Variants in ITPR3 observed in about 807,000 individuals in gnomAD.
The protein encoded by ITPR3 is inositol 1,4,5-trisphosphate-gated calcium channel ITPR3.
In ITPR3, 173 loss-of-function variants were observed where a neutral mutation model predicts 293.2. That is an observed-to-expected ratio of 0.59 (90% CI 0.52 to 0.67). The LOEUF (loss-of-function observed/expected upper bound fraction) is 0.67, where lower values mean the gene tolerates loss of function less well. Ranked by LOEUF, ITPR3 falls within the 30% of genes least tolerant of loss-of-function variation. ITPR3 has a pLI of 0.00. For missense variants in ITPR3, 2,796 were observed against 3,592.1 expected, an observed-to-expected ratio of 0.78 and a Z score of 5.66; for synonymous variants, 1,295 against 1,444.4, an observed-to-expected ratio of 0.90 and a Z score of 2.35.
Position 33,675,187 on chromosome 6 carries a change from C to T in ITPR3, c.3117-504C>T, listed in dbSNP as rs1051429971. ...TTGTAATCCCAGCACTTTGGGAGGC[C>T]GAGGTGGGCAGATCACTTGAGGTCA... On this transcript the variant is annotated intron_variant, in intron 24 of 57. Coordinates refer to ENST00000605930, the MANE Select transcript of ITPR3 (RefSeq NM_002224.4). This position sits in a 1 kb window ranked among gnomAD's most constrained non-coding sequence, Gnocchi z 5.0. 1.1e-4 allele frequency among the ~76,000 whole-genome samples: 16 copies of T among 152,122 alleles called. No individual in the cohort carries two copies. Among genetic ancestry groups the T allele is most frequent in the African/African-American group, 3.1e-4 (13 of 41,488 alleles).
chr6:33,665,735 G>A, intron 13 of ITPR3, 100 bp from the exon 14 acceptor site: 1 of 1,348,756 alleles, frequency 7.4e-7, no homozygotes, highest in Non-Finnish European at 1.0e-6. Flanking sequence ...GCCGCTGAGT[G>A]AACTCATGAA....
chr6:33,686,094 G>C lies in ITPR3; in HGVS notation c.5709G>C (p.Leu1903Phe). ...RCQNNKTNYNLVCETLQFLDI... is the reference protein window; with the variant it reads ...RCQNNKTNYNFVCETLQFLDI... ...AGAACAACAAAACCAACTACAACTT[G>C]GTATGCGAGACGCTGCAGTTCCTGG... The change falls in exon 42 of 58, where the codon TTG (leucine) becomes TTC (phenylalanine). Residue 1903 changes from leucine to phenylalanine, a missense_variant. Leu to Phe is a conservative substitution (Grantham distance 22, BLOSUM62 0). Transcript: ENST00000605930. 1.9e-6 allele frequency: 3 copies of C among 1,614,202 alleles called. No homozygotes were observed. The highest frequency in any genetic ancestry group is 2.5e-6 in the Non-Finnish European group (3 of 1,180,048).
At chr6:33,662,396 CTG>C in intron 7 of ITPR3, 130 bp from the exon 8 acceptor site, 1 of 1,064,858 alleles carries the variant, frequency 9.4e-7, no homozygotes, top group Non-Finnish European at 1.3e-6. Flanking sequence ...ATCCCCCTCT[CTG>C]TGTGCTGGCT....
At position 33,683,879 on chromosome 6, in the gene ITPR3, T is replaced by G; in HGVS notation, c.4789-141T>G. On this transcript the variant is annotated intron_variant, in intron 35 of 57. Transcript: ENST00000605930. This position sits in a 1 kb window ranked among gnomAD's most constrained non-coding sequence, Gnocchi z 4.5. ...TGAGCAGACAGACATCACGCTGTGT[T>G]CAGGGTGTCTCTGTGGGTGTGGGCC... 1 of 886,904 alleles carries G rather than the reference T, an allele frequency of 1.1e-6. No homozygotes were observed. The highest frequency in any genetic ancestry group is 1.7e-6 in the Non-Finnish European group (1 of 591,880). 54.9% of individuals were successfully genotyped at this position (886,904 alleles called of 1,614,324 possible).
chr6:33,622,015 G>C (rs1448173962), intron 1 of ITPR3, among the ~76,000 whole-genome samples: 1 of 152,180 alleles, frequency 6.6e-6, no homozygotes, highest in Non-Finnish European at 1.5e-5. Flanking sequence ...TGGGTGGCTG[G>C]AGGCTGAGTT....
At chr6:33,643,788 G>T (rs772853200) in intron 2 of ITPR3, among the ~76,000 whole-genome samples, 20 of 152,158 alleles carry the variant, frequency 1.3e-4, no homozygotes, top group Admixed American at 3.9e-4. Context: ...CCCTCCATTT[G>T]CATGACTGGA....
At chr6:33,648,231 A>G (rs1764112833) in intron 2 of ITPR3, among the ~76,000 whole-genome samples, 1 of 151,678 alleles carries the variant, frequency 6.6e-6, no homozygotes, top group Non-Finnish European at 1.5e-5. Flanking sequence ...ACGCCTGGCT[A>G]ATTTTTTAAT....
rs1023885114 is a variant in ITPR3, at chr6:33,621,839, T to C, written c.89+148T>C. ...AGCGGGAACGGCTCGCCTCCTTCTT[T>C]TACAGAAAGGAAGTGAAGTGTTTGC... On this transcript the variant is annotated intron_variant, in intron 1 of 57. Coordinates refer to ENST00000605930, the MANE Select transcript of ITPR3 (RefSeq NM_002224.4). The surrounding 1 kb of genome is among the most constrained non-coding windows in gnomAD (Gnocchi z 7.7). 8 of 644,388 alleles carry C rather than the reference T, an allele frequency of 1.2e-5. No homozygotes were observed. Among genetic ancestry groups the C allele is most frequent in the South Asian group, 1.9e-5 (1 of 51,810 alleles). The allele number at this position is 644,388 out of a possible 1,614,324, so 39.9% of individuals were successfully genotyped here. A position where few individuals can be genotyped will look rare whatever the true frequency, so the allele number is the denominator to read the frequency against.
At position 33,624,172 on chromosome 6, in the gene ITPR3, A is replaced by G. The variant is rs1445881895; in HGVS notation, c.89+2481A>G. Among the ~76,000 whole-genome samples, 6 of 152,182 alleles carry G rather than the reference A, an allele frequency of 3.9e-5. No individual in the cohort carries two copies. Among genetic ancestry groups the G allele is most frequent in the Admixed American group, 1.3e-4 (2 of 15,282 alleles). On this transcript the variant is annotated intron_variant, in intron 1 of 57. Transcript: ENST00000605930. This position sits in a 1 kb window ranked among gnomAD's most constrained non-coding sequence, Gnocchi z 4.7. ...GGGCAGAATTAACCCTTCGTCCTCT[A>G]TGCTTTTGAACTGCTTTGTACAAAC...
rs140169252 is a variant in ITPR3 at position 33,653,421 on chromosome 6, C to T, written c.161-2345C>T. On this transcript the variant is annotated intron_variant, in intron 2 of 57. Coordinates refer to ENST00000605930, the MANE Select transcript of ITPR3 (RefSeq NM_002224.4). ...TGAGCCACTGCGCCCAGCCCACTTA[C>T]CTTTAAATCATGAATGTGGCAGCCA... 7.2e-5 allele frequency among the ~76,000 whole-genome samples: 11 copies of T among 152,098 alleles called. No individual in the cohort carries two copies. In the East Asian group the frequency reaches 2.1e-3, roughly 29 times the overall value.
chr6:33,642,759 C>T (rs963903892), intron 2 of ITPR3, among the ~76,000 whole-genome samples: 1 of 152,202 alleles, frequency 6.6e-6, no homozygotes, highest in Non-Finnish European at 1.5e-5. Flanking sequence ...TGGGCCACCC[C>T]GTGGTCCCAT....
intron 49 of ITPR3, 98 bp from the exon 50 acceptor site, chr6:33,689,140 G>A: frequency 2.2e-6 from 3 of 1,384,472 alleles, no homozygotes; most frequent in Non-Finnish European, 3.0e-6. Flanking sequence ...TAACCGGGAA[G>A]GCGGCCAGGA....
At position 33,623,326 on chromosome 6, in the gene ITPR3, GT is replaced by G. The variant is rs60711686; in HGVS notation, c.89+1653del. On this transcript the variant is annotated intron_variant, in intron 1 of 57. Coordinates refer to ENST00000605930, the MANE Select transcript of ITPR3 (RefSeq NM_002224.4). ...TGATTTTCAAGTGCCTGTGAGTTTTGTTTTTTTTTTTTTTTTTTAAGACAAG... is the reference window on the plus strand; with the variant it reads ...TGATTTTCAAGTGCCTGTGAGTTTTGTTTTTTTTTTTTTTTTTAAGACAAG... Among the ~76,000 whole-genome samples the G allele has an allele frequency of 2.7e-3, 365 of 137,422 alleles. 3 individuals carry two copies. Among genetic ancestry groups the G allele is most frequent in the African/African-American group, 9.7e-3 (353 of 36,370 alleles). The allele number at this position is 137,422 out of a possible 152,430, so 90.2% of individuals were successfully genotyped here.
At position 33,683,661 on chromosome 6, in the gene ITPR3, C is replaced by T. The variant is rs1403761793; in HGVS notation, c.4788+264C>T. Among the ~76,000 whole-genome samples the T allele has an allele frequency of 2.6e-5, 4 of 152,134 alleles. No homozygotes were observed. The highest frequency in any genetic ancestry group is 5.9e-5 in the Non-Finnish European group (4 of 68,014). ...GGAGCTCATGAGGGGGTCGGGACCA[C>T]CCCTCACTCCTGCAGCGCCCTCCTG... On this transcript the variant is annotated intron_variant, in intron 35 of 57. Transcript: ENST00000605930. The surrounding 1 kb of genome is among the most constrained non-coding windows in gnomAD (Gnocchi z 4.5).
chr6:33,634,703 G>A (rs1019587350), intron 1 of ITPR3, among the ~76,000 whole-genome samples: 8 of 152,126 alleles, frequency 5.3e-5, no homozygotes, highest in Non-Finnish European at 1.2e-4. Context: ...GGCTTCAGAA[G>A]CTGTGCCAGC....
In ITPR3 at chr6:33,666,706, C is replaced by T. The variant is rs1055542576; in HGVS notation, c.1552-423C>T. ...GTTTCAGAACAATTTTTCACCTCTC[C>T]ACCCAGCCCCAGCCTTTAAAACATT... On this transcript the variant is annotated intron_variant, in intron 14 of 57. Coordinates refer to ENST00000605930, the MANE Select transcript of ITPR3 (RefSeq NM_002224.4). The surrounding 1 kb of genome is among the most constrained non-coding windows in gnomAD (Gnocchi z 5.1). 6.6e-6 allele frequency among the ~76,000 whole-genome samples: 1 copy of T among 152,086 alleles called. No individual in the cohort carries two copies. The highest frequency in any genetic ancestry group is 1.5e-5 in the Non-Finnish European group (1 of 68,032).
intron 2 of ITPR3, among the ~76,000 whole-genome samples, chr6:33,652,559 C>T (rs746012089): frequency 2.1e-4 from 32 of 152,124 alleles, no homozygotes; most frequent in Middle Eastern, 3.4e-3. Context: ...CCCCGACCCC[C>T]GGTTCAAGTG....
rs941737574 is a variant in ITPR3 at position 33,655,394 on chromosome 6, G to T, written c.161-372G>T. 1.3e-5 allele frequency among the ~76,000 whole-genome samples: 2 copies of T among 152,146 alleles called. No individual in the cohort carries two copies. Among genetic ancestry groups the T allele is most frequent in the African/African-American group, 4.8e-5 (2 of 41,414 alleles). On this transcript the variant is annotated intron_variant, in intron 2 of 57. Transcript: ENST00000605930. This position sits in a 1 kb window ranked among gnomAD's most constrained non-coding sequence, Gnocchi z 4.9. ...TGCAAGATGGTTTCCATCAGCCAAG[G>T]CAATTAGCTAAAGAGGATGCAGATG...
Position 33,693,657 on chromosome 6 carries a change from C to G in ITPR3, c.7737C>G (p.Asn2579Lys), listed in dbSNP as rs1204813241. 1.2e-6 allele frequency: 2 copies of G among 1,614,210 alleles called. No individual in the cohort carries two copies. Among genetic ancestry groups the G allele is most frequent in the Non-Finnish European group, 1.7e-6 (2 of 1,180,032 alleles). ...LYFIVLVRVK[N>K]KTDYTGPESY... Reference sequence around the variant, plus strand: ...TCATTGTGCTGGTCCGCGTGAAGAACAAGACCGACTACACGGGCCCTGAGA... The same window carrying G: ...TCATTGTGCTGGTCCGCGTGAAGAAGAAGACCGACTACACGGGCCCTGAGA... The change falls in exon 56 of 58, where the codon AAC becomes AAG. Residue 2579 changes from asparagine to lysine, a missense_variant. Physicochemically the swap from Asn to Lys is moderately conservative, Grantham distance 94. Transcript: ENST00000605930.
Sources: gnomAD v4.1 joint callset for allele counts (sites outside exome capture counted in the v4.1 genomes callset) on GRCh38, gnomAD v4.1.1 for gene constraint, Gnocchi (gnomAD v3.1) non-coding constraint, MANE v1.5 for transcripts, NCBI Gene and HGNC (gene_info 2026-07-23, HGNC 2026-07-21) for gene names.